LRP1B: variants seen among roughly 807,000 people sequenced by gnomAD.
The protein encoded by LRP1B is LDL receptor related protein 1B.
A neutral mutation model predicts 556.6 loss-of-function variants in LRP1B; 217 were observed. The observed-to-expected ratio is 0.39, with a 90% CI of 0.35 to 0.44. The LOEUF (loss-of-function observed/expected upper bound fraction) is 0.44, where lower values mean the gene tolerates loss of function less well. Among genes scored for constraint, LRP1B ranks in the 20% least tolerant of loss-of-function variants. The probability of loss-of-function intolerance (pLI) is 1.00; values close to 1 mark genes in which losing one functional copy is unlikely to be tolerated. For synonymous variants in LRP1B, 2,047 were observed against 1,865.8 expected, an observed-to-expected ratio of 1.10 and a Z score of -2.50; for missense variants, 5,053 against 5,620.8, an observed-to-expected ratio of 0.90 and a Z score of 3.23.
chr2:140,417,617 C>T (rs1685255933), intron 66 of LRP1B, among the ~76,000 whole-genome samples: 1 of 152,148 alleles, frequency 6.6e-6, no homozygotes, highest in Admixed American at 6.5e-5. Context: ...AATTACATAT[C>T]AGGAAAATTA....
intron 2 of LRP1B, among the ~76,000 whole-genome samples, chr2:141,757,544 G>A (rs1694367273): frequency 1.3e-5 from 2 of 151,836 alleles, no homozygotes; most frequent in African/African-American, 4.9e-5. Flanking sequence ...ATTGGTTGAG[G>A]AGTAATCAAA....
intron 66 of LRP1B, among the ~76,000 whole-genome samples, chr2:140,423,890 T>C (rs996446426): frequency 5.3e-5 from 8 of 152,128 alleles, no homozygotes; most frequent in African/African-American, 1.7e-4. Flanking sequence ...ATAATATCAC[T>C]AATATCGCTA....
At chr2:140,238,073 G>T (rs2104880817) in intron 89 of LRP1B, 79 bp downstream of exon 89, 4 of 1,270,994 alleles carry the variant, frequency 3.1e-6, no homozygotes, top group South Asian at 1.6e-5. Context: ...AGAAAAACTT[G>T]GTGAAATTCA....
At chr2:140,579,007 AGCAAGG>A (rs1681648767) in intron 43 of LRP1B, among the ~76,000 whole-genome samples, 1 of 152,136 alleles carries the variant, frequency 6.6e-6, no homozygotes, top group Admixed American at 6.5e-5. Context: ...CCCTTCTCTC[AGCAAGG>A]GAGACAAGGG....
chr2:140,606,452 C>T (rs1465733900), intron 41 of LRP1B, among the ~76,000 whole-genome samples: 1 of 151,864 alleles, frequency 6.6e-6, no homozygotes, highest in African/African-American at 2.4e-5. Context: ...TCCAAATAGA[C>T]CTACAGATTT....
At chr2:141,522,555 C>CA (rs1229329206) in intron 2 of LRP1B, among the ~76,000 whole-genome samples, 1 of 152,132 alleles carries the variant, frequency 6.6e-6, no homozygotes, top group Non-Finnish European at 1.5e-5. Context: ...CTTGTCTCTT[C>CA]AGTTAGAGAA....
At chr2:141,341,854 T>C (rs1367184058) in intron 3 of LRP1B, among the ~76,000 whole-genome samples, 3 of 152,292 alleles carry the variant, frequency 2.0e-5, no homozygotes, top group Middle Eastern at 3.4e-3. Context: ...TGCATAGATA[T>C]AAACTTTGTG....
intron 79 of LRP1B, among the ~76,000 whole-genome samples, chr2:140,329,883 GA>G (rs34190948): frequency 6.8e-6 from 1 of 147,146 alleles, no homozygotes; most frequent in African/African-American, 2.5e-5. Context: ...CACCAAATTA[GA>G]AAAAAAAACA....
intron 3 of LRP1B, among the ~76,000 whole-genome samples, chr2:141,331,196 T>C (rs1251859103): frequency 6.6e-6 from 1 of 152,220 alleles, no homozygotes; most frequent in South Asian, 2.1e-4. Context: ...CCTTACCTAC[T>C]GTCAGTCAAG....
chr2:140,413,801 C>T (rs953426104), intron 66 of LRP1B, among the ~76,000 whole-genome samples: 2 of 152,110 alleles, frequency 1.3e-5, no homozygotes, highest in African/African-American at 4.8e-5. Flanking sequence ...GCAAGGCTGT[C>T]ATCTATTTAT....
At chr2:140,742,590 T>A (rs1278646774) in intron 35 of LRP1B, among the ~76,000 whole-genome samples, 1 of 151,934 alleles carries the variant, frequency 6.6e-6, no homozygotes, top group Non-Finnish European at 1.5e-5. Context: ...AGAATTATAT[T>A]TTTTTAATCT....
intron 23 of LRP1B, among the ~76,000 whole-genome samples, chr2:140,890,024 G>A (rs1329464386): frequency 6.6e-6 from 1 of 151,952 alleles, no homozygotes; most frequent in Non-Finnish European, 1.5e-5. Context: ...GCCACAAACA[G>A]AGGAATGACA....
intron 2 of LRP1B, among the ~76,000 whole-genome samples, chr2:141,641,164 A>G (rs914820090): frequency 6.8e-6 from 1 of 146,916 alleles, no homozygotes; most frequent in Admixed American, 6.8e-5. Context: ...TTAAAAGTCC[A>G]CTTATTTAAA....
intron 2 of LRP1B, among the ~76,000 whole-genome samples, chr2:141,536,154 A>G (rs1685063698): frequency 1.3e-5 from 2 of 152,142 alleles, no homozygotes; most frequent in Non-Finnish European, 1.5e-5. Context: ...ATGTTTATTT[A>G]AACCATTATT....
chr2:141,596,138 T>G (rs1687510496), intron 2 of LRP1B, among the ~76,000 whole-genome samples: 1 of 151,992 alleles, frequency 6.6e-6, no homozygotes, highest in East Asian at 1.9e-4. Context: ...TTTTCTAAAT[T>G]TAGATACTAC....
rs552952536 is a variant in LRP1B, at chr2:141,070,795, A to T, written c.1014-8522T>A. On this transcript the variant is annotated intron_variant, in intron 7 of 90. Coordinates refer to ENST00000389484, the MANE Select transcript of LRP1B (RefSeq NM_018557.3). ...TCCTCAACACATACACCCTCCCAAG[A>T]CTAAACCAGGAAAAAGTTGAATCTC... 3.9e-5 allele frequency among the ~76,000 whole-genome samples: 6 copies of T among 152,230 alleles called. No homozygotes were observed. In the South Asian group the frequency reaches 1.2e-3, roughly 32 times the overall value.
chr2:140,248,211 T>C (rs1366508766), intron 86 of LRP1B, among the ~76,000 whole-genome samples: 1 of 151,654 alleles, frequency 6.6e-6, no homozygotes, highest in African/African-American at 2.4e-5. Context: ...GTAAAATCAG[T>C]ATTGGCTGTC....
intron 3 of LRP1B, among the ~76,000 whole-genome samples, chr2:141,474,675 A>G (rs545910409): frequency 3.9e-5 from 6 of 152,276 alleles, no homozygotes; most frequent in Non-Finnish European, 8.8e-5. Flanking sequence ...GTTGTTATAT[A>G]AGGGGATCTT....
intron 2 of LRP1B, among the ~76,000 whole-genome samples, chr2:141,709,506 T>C (rs1692278561): frequency 6.6e-6 from 1 of 152,190 alleles, no homozygotes; most frequent in African/African-American, 2.4e-5. Flanking sequence ...GTACTAATGA[T>C]GCCTTAAAGA....
Sources: gnomAD v4.1 joint callset for allele counts (sites outside exome capture counted in the v4.1 genomes callset) on GRCh38, gnomAD v4.1.1 for gene constraint, MANE v1.5 for transcripts, NCBI Gene and HGNC (gene_info 2026-07-23, HGNC 2026-07-21) for gene names.